Variants in CMBL observed in about 807,000 individuals in gnomAD.
CMBL encodes the protein carboxymethylenebutenolidase homolog.
A neutral mutation model predicts 28.7 loss-of-function variants in CMBL; 17 were observed. That is an observed-to-expected ratio of 0.59 (90% CI 0.41 to 0.89). CMBL has a LOEUF of 0.89. Among genes scored for constraint, CMBL ranks in the 40% least tolerant of loss-of-function variants. CMBL has a pLI of 0.00. For missense variants in CMBL, 310 were observed against 298.5 expected (o/e 1.04, Z -0.28); for synonymous variants, 106 against 101.6 (o/e 1.04, Z -0.26).
rs1746427233 is a variant in CMBL at position 10,278,128 on chromosome 5, C to T, written c.*2325G>A. 2.6e-5 allele frequency among the ~76,000 whole-genome samples: 4 copies of T among 152,204 alleles called. No individual in the cohort carries two copies. On this transcript the variant is annotated 3_prime_UTR_variant, in exon 6 of 6. Coordinates refer to ENST00000296658, the MANE Select transcript of CMBL (RefSeq NM_138809.4). ...TCTCTCAACATTAGGCAAAGGGTCT[C>T]CCCATACCCATTTGACAGATGCAAA...
chr5:10,288,159 C>T (rs1221588512), intron 3 of CMBL, among the ~76,000 whole-genome samples: 1 of 151,924 alleles, frequency 6.6e-6, no homozygotes, highest in Non-Finnish European at 1.5e-5. Flanking sequence ...CCCAGCTACT[C>T]GGGAGGCTGA....
intron 1 of CMBL, among the ~76,000 whole-genome samples, chr5:10,302,150 C>T (rs1447971555): frequency 1.3e-5 from 2 of 152,162 alleles, no homozygotes; most frequent in Admixed American, 6.5e-5. Flanking sequence ...CAGTTTCTAC[C>T]CTGGCAAGTC....
Position 10,280,724 on chromosome 5 carries a change from T to C in CMBL, c.559-92A>G, listed in dbSNP as rs374429023. 1.8e-5 allele frequency: 20 copies of C among 1,096,154 alleles called. No homozygotes were observed. The East Asian group carries it at 3.3e-4, about 18-fold the overall frequency. The allele number at this position is 1,096,154 out of a possible 1,614,324, so 67.9% of individuals were successfully genotyped here. A position where few individuals can be genotyped will look rare whatever the true frequency, so the allele number is the denominator to read the frequency against. On this transcript the variant is annotated intron_variant, in intron 5 of 5. Transcript: ENST00000296658. ...GAGCGTTCATAACAGAAATTTAACA[T>C]CAATGCTTTAAATCAGAAACAAGTT... is the stretch of plus-strand genomic sequence containing the variant.
chr5:10,292,436 T>G (rs776935981), intron 1 of CMBL, among the ~76,000 whole-genome samples: 13 of 152,150 alleles, frequency 8.5e-5, no homozygotes, highest in Non-Finnish European at 1.6e-4. Flanking sequence ...GGTCTCAAAC[T>G]CCTAGGCTCA....
At chr5:10,286,974 G>A (rs532642558) in intron 3 of CMBL, among the ~76,000 whole-genome samples, 3 of 152,116 alleles carry the variant, frequency 2.0e-5, no homozygotes, top group Admixed American at 1.3e-4. Context: ...GACTTCACAC[G>A]TTCACTCTCT....
intron 2 of CMBL, among the ~76,000 whole-genome samples, chr5:10,290,210 C>T (rs866782844): frequency 4.6e-5 from 7 of 152,192 alleles, no homozygotes; most frequent in South Asian, 2.1e-4. Context: ...GACCGAGTCA[C>T]GGGTCCATTT....
intron 3 of CMBL, among the ~76,000 whole-genome samples, chr5:10,287,441 T>C (rs1310077469): frequency 2.0e-5 from 3 of 147,638 alleles, no homozygotes; most frequent in Non-Finnish European, 4.5e-5. Flanking sequence ...TATGAGTAGA[T>C]TCACAGAGGC....
At chr5:10,302,221 G>A (rs1197201711) in intron 1 of CMBL, among the ~76,000 whole-genome samples, 1 of 152,166 alleles carries the variant, frequency 6.6e-6, no homozygotes, top group Non-Finnish European at 1.5e-5. Context: ...ATACCTTTCA[G>A]GATTTTAGCT....
intron 4 of CMBL, among the ~76,000 whole-genome samples, chr5:10,285,696 T>C (rs372232805): frequency 0.14 from 8,700 of 61,510 alleles, 371 homozygotes; most frequent in Non-Finnish European, 0.23. Context: ...TTCTCTTTCT[T>C]TTTCTTTTTT....
At chr5:10,286,300 C>A (rs1379417489) in intron 4 of CMBL, 54 bp downstream of exon 4, 56 of 1,549,360 alleles carry the variant, frequency 3.6e-5, no homozygotes, top group Non-Finnish European at 4.7e-5. Context: ...TGATTGTTGT[C>A]ACTCTTCCAC....
At position 10,285,661 on chromosome 5, in the gene CMBL, G is replaced by GA. The variant is rs1189748698; in HGVS notation, c.466+692dup. On this transcript the variant is annotated intron_variant, in intron 4 of 5. Coordinates refer to ENST00000296658, the MANE Select transcript of CMBL (RefSeq NM_138809.4). Reference sequence around the variant, plus strand: ...TACAGTTAGAGCAATTTGTATCTTGGAAAAATCAGTCTTTCTTTCTTTCTT... The same window carrying GA: ...TACAGTTAGAGCAATTTGTATCTTGGAAAAAATCAGTCTTTCTTTCTTTCTT... 2.0e-5 allele frequency among the ~76,000 whole-genome samples: 3 copies of GA among 147,582 alleles called. No homozygotes were observed. The East Asian group carries it at 5.8e-4, about 29-fold the overall frequency.
intron 1 of CMBL, among the ~76,000 whole-genome samples, chr5:10,300,919 A>T (rs754076923): frequency 3.3e-5 from 5 of 150,584 alleles, no homozygotes; most frequent in Non-Finnish European, 3.0e-5. Flanking sequence ...ACATAATGCT[A>T]TGTAAAAAGA....
chr5:10,280,378 A>G lies in CMBL; in HGVS notation c.*75T>C. 1 of 1,083,446 alleles carries G rather than the reference A, an allele frequency of 9.2e-7. No individual in the cohort carries two copies. Among genetic ancestry groups the G allele is most frequent in the South Asian group, 2.0e-5 (1 of 49,158 alleles). 67.1% of individuals were successfully genotyped at this position (1,083,446 alleles called of 1,614,324 possible). A position where few individuals can be genotyped will look rare whatever the true frequency, so the allele number is the denominator to read the frequency against. ...ACTTATTTTATAAAAGTGAAAATTA[A>G]ATCAAATGATCTAACTATTTCCAAG... is the stretch of plus-strand genomic sequence containing the variant. On this transcript the variant is annotated 3_prime_UTR_variant, in exon 6 of 6. Transcript: ENST00000296658.
In CMBL at chr5:10,288,397, A is replaced by G. The variant is rs367766943; in HGVS notation, c.323+25T>C. On this transcript the variant is annotated intron_variant, in intron 3 of 5. Coordinates refer to ENST00000296658, the MANE Select transcript of CMBL (RefSeq NM_138809.4). The stretch of plus-strand genomic sequence containing the variant: ...CACCTCCCTGGGCCACAACGTGCAC[A>G]TGGCCACGTCTGCGGATAACTCACC... 1.4e-5 allele frequency: 22 copies of G among 1,562,298 alleles called. No individual in the cohort carries two copies. In the African/African-American group the frequency reaches 2.4e-4, roughly 17 times the overall value.
chr5:10,305,163 T>C (rs1041373356), intron 1 of CMBL, among the ~76,000 whole-genome samples: 5 of 152,148 alleles, frequency 3.3e-5, no homozygotes, highest in Non-Finnish European at 7.4e-5. Flanking sequence ...ACTGGTGACG[T>C]CTCTGGAAAT....
chr5:10,291,874 A>T (rs1435813914), intron 1 of CMBL, among the ~76,000 whole-genome samples: 1 of 152,192 alleles, frequency 6.6e-6, no homozygotes, highest in Non-Finnish European at 1.5e-5. Context: ...AGAGCAGCTC[A>T]TCAGGAAAAC....
chr5:10,305,885 GA>G (rs1185686728), intron 1 of CMBL, among the ~76,000 whole-genome samples: 7 of 152,234 alleles, frequency 4.6e-5, no homozygotes, highest in African/African-American at 1.4e-4. Flanking sequence ...TTGAGTGTTT[GA>G]TCTGCAAATT....
At chr5:10,285,074 G>C (rs978370790) in intron 4 of CMBL, among the ~76,000 whole-genome samples, 1 of 151,886 alleles carries the variant, frequency 6.6e-6, no homozygotes, top group Non-Finnish European at 1.5e-5. Context: ...TGCATTCACA[G>C]CTCACTGCAG....
At chr5:10,281,510 G>C (rs967541129) in intron 5 of CMBL, among the ~76,000 whole-genome samples, 1 of 152,120 alleles carries the variant, frequency 6.6e-6, no homozygotes, top group African/African-American at 2.4e-5. Context: ...GAGCCACCAC[G>C]CCCAGCTAAA....
Sources: gnomAD v4.1 joint callset for allele counts (sites outside exome capture counted in the v4.1 genomes callset) on GRCh38, gnomAD v4.1.1 for gene constraint, MANE v1.5 for transcripts, NCBI Gene and HGNC (gene_info 2026-07-23, HGNC 2026-07-21) for gene names.